Variants in KCTD8 observed in about 807,000 individuals in gnomAD.
KCTD8 encodes potassium channel tetramerization domain containing 8.
Under a neutral mutation model 31.5 loss-of-function variants are expected in KCTD8, and 27 were observed. The observed-to-expected ratio is 0.86, with a 90% CI of 0.63 to 1.18. The LOEUF is 1.18. Ranked by LOEUF, KCTD8 falls within the 50% of genes most tolerant of loss-of-function variation. KCTD8 has a pLI of 0.00. For missense variants in KCTD8, 658 were observed against 647.7 expected (o/e 1.02, Z -0.17); for synonymous variants, 290 against 280.0 (o/e 1.04, Z -0.36).
intron 1 of KCTD8, among the ~76,000 whole-genome samples, chr4:44,335,672 T>A (rs574516100): frequency 1.2e-4 from 19 of 152,294 alleles, no homozygotes; most frequent in African/African-American, 4.3e-4. Flanking sequence ...GAAAAAGGCA[T>A]AAATAACTGC....
At chr4:44,277,626 CCT>C (rs1261883313) in intron 1 of KCTD8, among the ~76,000 whole-genome samples, 4 of 151,734 alleles carry the variant, frequency 2.6e-5, no homozygotes, top group South Asian at 2.1e-4. Context: ...GAACTAGACC[CCT>C]GTTTTTCCTC....
chr4:44,430,754 CCCT>C (rs1721483505), intron 1 of KCTD8, among the ~76,000 whole-genome samples: 1 of 151,588 alleles, frequency 6.6e-6, no homozygotes, highest in African/African-American at 2.4e-5. Flanking sequence ...CTCACTATTT[CCCT>C]CCTGCTCCTA....
chr4:44,343,731 C>A (rs1157875572), intron 1 of KCTD8, among the ~76,000 whole-genome samples: 1 of 152,120 alleles, frequency 6.6e-6, no homozygotes, highest in Non-Finnish European at 1.5e-5. Context: ...ATATTATATA[C>A]TAACAAAAAT....
At chr4:44,207,830 A>C (rs536301686) in intron 1 of KCTD8, among the ~76,000 whole-genome samples, 1 of 152,354 alleles carries the variant, frequency 6.6e-6, no homozygotes, top group African/African-American at 2.4e-5. Flanking sequence ...TGGGAAGCCT[A>C]AGATAATGCT....
intron 1 of KCTD8, among the ~76,000 whole-genome samples, chr4:44,333,870 GA>G (rs1718650242): frequency 6.6e-6 from 1 of 151,848 alleles, no homozygotes. Flanking sequence ...AAGAAGTTAA[GA>G]AAAAAAGTCG....
chr4:44,361,809 C>A (rs907921565), intron 1 of KCTD8, among the ~76,000 whole-genome samples: 22 of 152,022 alleles, frequency 1.4e-4, no homozygotes, highest in African/African-American at 4.8e-4. Context: ...AGAAAGCTTT[C>A]TTTGTGTCTG....
In KCTD8 at chr4:44,448,141, T is replaced by A; in HGVS notation, c.383A>T (p.Glu128Val). 1 of 1,612,462 alleles carries A rather than the reference T, an allele frequency of 6.2e-7. No homozygotes were observed. Among genetic ancestry groups the A allele is most frequent in the East Asian group, 2.2e-5 (1 of 44,742 alleles). The change falls in exon 1 of 2, where the codon GAG becomes GTG. Residue 128 changes from glutamate to valine, a missense_variant. Transcript: ENST00000360029. This position sits in a 1 kb window ranked among gnomAD's most constrained non-coding sequence, Gnocchi z 4.1. ...ATACTCGGCCTCGCGCAGCAGCCGC[T>A]CCTTCTCGGGGAAGTGCTCCGGCAG... The part of the protein sequence containing the change: ...LALPEHFPEK[E>V]RLLREAEYFQ...
At chr4:44,308,527 A>G (rs745906263) in intron 1 of KCTD8, among the ~76,000 whole-genome samples, 4 of 152,006 alleles carry the variant, frequency 2.6e-5, no homozygotes, top group Non-Finnish European at 5.9e-5. Flanking sequence ...TTGAAGATCT[A>G]TATGATTTTG....
At chr4:44,217,981 TCTC>T (rs1174613799) in intron 1 of KCTD8, among the ~76,000 whole-genome samples, 1 of 152,122 alleles carries the variant, frequency 6.6e-6, no homozygotes, top group Non-Finnish European at 1.5e-5. Flanking sequence ...ATAAGCCAAT[TCTC>T]CTTAATAAAC....
intron 1 of KCTD8, among the ~76,000 whole-genome samples, chr4:44,240,692 G>A (rs1017239296): frequency 6.6e-6 from 1 of 152,112 alleles, no homozygotes; most frequent in African/African-American, 2.4e-5. Flanking sequence ...ATCAAGGGCT[G>A]TGACAGGAAT....
chr4:44,360,119 T>C lies in KCTD8; in HGVS notation c.961+87444A>G, dbSNP rs548557666. On this transcript the variant is annotated intron_variant, in intron 1 of 1. Coordinates refer to ENST00000360029, the MANE Select transcript of KCTD8 (RefSeq NM_198353.3). Reference sequence around the variant, plus strand: ...TTAGCGGCAATACAAAACTTAAATGTTGCCTTTTATATTTTAATAAAATAT... The same window carrying C: ...TTAGCGGCAATACAAAACTTAAATGCTGCCTTTTATATTTTAATAAAATAT... Among the ~76,000 whole-genome samples, 3 of 152,144 alleles carry C rather than the reference T, an allele frequency of 2.0e-5. No homozygotes were observed. The East Asian group carries it at 5.8e-4, about 29-fold the overall frequency.
chr4:44,434,965 A>G (rs1721606944), intron 1 of KCTD8, among the ~76,000 whole-genome samples: 1 of 136,776 alleles, frequency 7.3e-6, no homozygotes. Context: ...ATTGTACTCT[A>G]TCTACCCTAT....
intron 1 of KCTD8, among the ~76,000 whole-genome samples, chr4:44,339,585 T>C (rs540656556): frequency 5.9e-5 from 9 of 152,222 alleles, no homozygotes; most frequent in African/African-American, 2.2e-4. Flanking sequence ...ATTTCTGTAA[T>C]TATAGTTGAA....
chr4:44,304,376 A>T (rs1389270862), intron 1 of KCTD8, among the ~76,000 whole-genome samples: 1 of 152,186 alleles, frequency 6.6e-6, no homozygotes, highest in Non-Finnish European at 1.5e-5. Flanking sequence ...GATGGCCTGC[A>T]TTTAAAAAAT....
At chr4:44,366,287 T>C (rs1262885271) in intron 1 of KCTD8, among the ~76,000 whole-genome samples, 1 of 152,104 alleles carries the variant, frequency 6.6e-6, no homozygotes, top group Non-Finnish European at 1.5e-5. Flanking sequence ...TGTTAACATG[T>C]GATTCCCAGT....
intron 1 of KCTD8, among the ~76,000 whole-genome samples, chr4:44,431,917 C>T (rs1721515557): frequency 6.6e-6 from 1 of 151,536 alleles, no homozygotes; most frequent in African/African-American, 2.4e-5. Context: ...TCTGTAATCT[C>T]TGGAATATAA....
At chr4:44,442,150 C>T (rs1300664335) in intron 1 of KCTD8, among the ~76,000 whole-genome samples, 3 of 148,100 alleles carry the variant, frequency 2.0e-5, no homozygotes, top group East Asian at 2.0e-4. Context: ...TTGGCACTTA[C>T]TAGTGGTGCT....
chr4:44,330,185 G>C (rs1718559525), intron 1 of KCTD8, among the ~76,000 whole-genome samples: 1 of 151,792 alleles, frequency 6.6e-6, no homozygotes, highest in African/African-American at 2.4e-5. Context: ...TAGTCTTATA[G>C]TCATCAGTAA....
At chr4:44,256,779 T>C (rs1716005072) in intron 1 of KCTD8, among the ~76,000 whole-genome samples, 1 of 151,880 alleles carries the variant, frequency 6.6e-6, no homozygotes, top group Non-Finnish European at 1.5e-5. Flanking sequence ...GCAGGTGGCC[T>C]CTGGAAGCTG....
Sources: allele counts gnomAD v4.1 joint callset (sites outside exome capture counted in the v4.1 genomes callset), GRCh38; gene constraint gnomAD v4.1.1; non-coding constraint Gnocchi (gnomAD v3.1); transcripts MANE v1.5; gene names NCBI Gene and HGNC (gene_info 2026-07-23, HGNC 2026-07-21).